The following ZRANB1 variants were observed in gnomAD, a reference collection of about 807,000 sequenced individuals.
ZRANB1 encodes the protein ubiquitin thioesterase ZRANB1.
Under a neutral mutation model 80.5 loss-of-function variants are expected in ZRANB1, and 16 were observed. The ratio of observed to expected loss-of-function variants is 0.20; its 90% CI spans 0.13 to 0.30. ZRANB1 has a LOEUF of 0.30. Ranked by LOEUF, ZRANB1 falls within the 10% of genes least tolerant of loss-of-function variation. The probability of loss-of-function intolerance (pLI) is 1.00; values close to 1 mark genes in which losing one functional copy is unlikely to be tolerated. For missense variants in ZRANB1, 576 were observed against 862.6 expected, an observed-to-expected ratio of 0.67 and a Z score of 4.16; for synonymous variants, 291 against 293.1, an observed-to-expected ratio of 0.99 and a Z score of 0.07.
chr10:124,935,304 A>C, the ZRANB1 span, among the ~76,000 whole-genome samples: 1 of 152,262 alleles, frequency 6.6e-6, no homozygotes, highest in African/African-American at 2.4e-5. Context: ...AATCTGGTCA[A>C]GGATATAGGA....
chr10:124,974,505 G>A, intron 5 of ZRANB1, 107 bp downstream of exon 5: 1 of 1,161,902 alleles, frequency 8.6e-7, no homozygotes. Context: ...ATGGAAACTG[G>A]AGGAAAAACA....
chr10:124,924,804 C>G, the ZRANB1 span, among the ~76,000 whole-genome samples: 5 of 151,976 alleles, frequency 3.3e-5, no homozygotes, highest in Non-Finnish European at 1.5e-5. Context: ...GTTTTTACTT[C>G]TCTTGGGTAT....
chr10:124,953,084 C>T (rs1951655646), intron 1 of ZRANB1, among the ~76,000 whole-genome samples: 1 of 129,072 alleles, frequency 7.7e-6, no homozygotes, highest in Admixed American at 8.5e-5. Flanking sequence ...ACCACTGTGC[C>T]TGGCTAATTT....
intron 2 of ZRANB1, among the ~76,000 whole-genome samples, chr10:124,971,076 G>A (rs1276237848): frequency 6.6e-6 from 1 of 151,978 alleles, no homozygotes; most frequent in Non-Finnish European, 1.5e-5. Context: ...CACCCGCCTC[G>A]GCCTCCCAGA....
intron 8 of ZRANB1, among the ~76,000 whole-genome samples, chr10:124,984,007 T>TG (rs1484385706): frequency 1.3e-5 from 2 of 151,670 alleles, no homozygotes; most frequent in African/African-American, 4.9e-5. Context: ...AAGGCCAGTG[T>TG]GGTTTAAGAG....
At chr10:124,957,945 G>A (rs1264709439) in intron 1 of ZRANB1, among the ~76,000 whole-genome samples, 2 of 152,058 alleles carry the variant, frequency 1.3e-5, no homozygotes, top group Non-Finnish European at 2.9e-5. Context: ...GGCCAGGCTG[G>A]TCTCGAACTC....
chr10:124,969,866 GAGA>G (rs1444778395), intron 2 of ZRANB1, among the ~76,000 whole-genome samples: 3 of 152,162 alleles, frequency 2.0e-5, no homozygotes, highest in Non-Finnish European at 4.4e-5. Context: ...TGAAGGAGGT[GAGA>G]AGGTGAGTGG....
intron 5 of ZRANB1, 114 bp from the exon 6 acceptor site, chr10:124,981,595 A>G: frequency 2.0e-6 from 2 of 1,004,518 alleles, no homozygotes; most frequent in Non-Finnish European, 2.8e-6. Flanking sequence ...AAATAAAATT[A>G]TTAATTGTTT....
chr10:124,938,140 T>C (rs1008130995), upstream of ZRANB1, among the ~76,000 whole-genome samples: 4 of 152,214 alleles, frequency 2.6e-5, no homozygotes, highest in African/African-American at 9.6e-5. Flanking sequence ...GTATTAACTT[T>C]TAGAGCTGGC....
chr10:124,980,778 T>C (rs938432050), intron 5 of ZRANB1, among the ~76,000 whole-genome samples: 9 of 152,184 alleles, frequency 5.9e-5, no homozygotes, highest in African/African-American at 2.2e-4. Flanking sequence ...TTAACTTTTT[T>C]TTTCCCCCCG....
upstream of ZRANB1, among the ~76,000 whole-genome samples, chr10:124,938,731 A>C (rs1325028377): frequency 6.7e-6 from 1 of 150,174 alleles, no homozygotes; most frequent in Non-Finnish European, 1.5e-5. Context: ...TCCTTGAGAC[A>C]GCCTTGCTCT....
chr10:124,981,925 C>A, intron 6 of ZRANB1, 96 bp downstream of exon 6: 1 of 1,466,148 alleles, frequency 6.8e-7, no homozygotes. Flanking sequence ...GCAATGTGGT[C>A]AAAGAAAAGA....
At chr10:124,919,613 C>CTT in the ZRANB1 span, among the ~76,000 whole-genome samples, 995 of 131,588 alleles carry the variant, frequency 7.6e-3, 25 homozygotes, top group African/African-American at 0.018. Context: ...CCTCCTCCTC[C>CTT]TTTTTTTTTT....
Position 124,985,001 on chromosome 10 carries a change from A to T in ZRANB1, c.*9A>T, listed in dbSNP as rs1466106216. 2 of 1,591,092 alleles carry T rather than the reference A, an allele frequency of 1.3e-6. No individual in the cohort carries two copies. The highest frequency in any genetic ancestry group is 1.7e-6 in the Non-Finnish European group (2 of 1,164,346). ...ATGATGAAGATGAATGAAAAAAAAA[A>T]TCAAACAGCAGAAGACCAAGGCATC... On this transcript the variant is annotated 3_prime_UTR_variant, in exon 9 of 9. Transcript: ENST00000359653.
At chr10:124,964,023 A>T (rs187038280) in intron 1 of ZRANB1, among the ~76,000 whole-genome samples, 1 of 152,344 alleles carries the variant, frequency 6.6e-6, no homozygotes, top group East Asian at 1.9e-4. Flanking sequence ...CATCTTCTGT[A>T]TGTCTGCCAT....
intron 2 of ZRANB1, among the ~76,000 whole-genome samples, chr10:124,970,354 T>G (rs1026746053): frequency 6.6e-6 from 1 of 152,186 alleles, no homozygotes; most frequent in African/African-American, 2.4e-5. Flanking sequence ...CCTCCCTGGC[T>G]CAAGTGATCC....
chr10:124,922,336 A>ATATTTT, the ZRANB1 span, among the ~76,000 whole-genome samples: 17 of 44,768 alleles, frequency 3.8e-4, no homozygotes, highest in Non-Finnish European at 7.6e-4. Flanking sequence ...GTATATATAT[A>ATATTTT]TTTTTTTTTT....
Position 124,960,492 on chromosome 10 carries a change from C to T in ZRANB1, c.815-6102C>T, listed in dbSNP as rs375361451. 3.7e-4 allele frequency among the ~76,000 whole-genome samples: 57 copies of T among 152,272 alleles called. 1 individual carries two copies. The South Asian group carries it at 0.012, about 31-fold the overall frequency. On this transcript the variant is annotated intron_variant, in intron 1 of 8. Transcript: ENST00000359653. ...TGTTACCCAGGTTGGAGTGCAATGGCGTGATCATAGCTCATTGCAGCCTCG... is the reference window on the plus strand; with the variant it reads ...TGTTACCCAGGTTGGAGTGCAATGGTGTGATCATAGCTCATTGCAGCCTCG...
At chr10:124,975,139 T>C (rs1382363776) in intron 5 of ZRANB1, among the ~76,000 whole-genome samples, 1 of 152,238 alleles carries the variant, frequency 6.6e-6, no homozygotes, top group Non-Finnish European at 1.5e-5. Flanking sequence ...TATCTTGACA[T>C]TGTGTTACAA....
Sources: gnomAD v4.1 joint callset for allele counts (sites outside exome capture counted in the v4.1 genomes callset) on GRCh38, gnomAD v4.1.1 for gene constraint, MANE v1.5 for transcripts, NCBI Gene and HGNC (gene_info 2026-07-23, HGNC 2026-07-21) for gene names.